Variants in PRKN observed in about 807,000 individuals in gnomAD.
PRKN encodes the protein E3 ubiquitin-protein ligase parkin.
PRKN carries 56 observed loss-of-function variants against 59.5 expected under a neutral mutation model. The ratio of observed to expected loss-of-function variants is 0.94; its 90% CI spans 0.76 to 1.18. The LOEUF is 1.18. Among genes scored for constraint, PRKN ranks in the 50% most tolerant of loss-of-function variants. The pLI, the probability that PRKN is intolerant of heterozygous loss-of-function variation, is 0.00. For missense variants in PRKN, 657 were observed against 596.4 expected (o/e 1.10, Z -1.06); for synonymous variants, 250 against 222.1 (o/e 1.13, Z -1.12).
At chr6:162,331,188 G>A (rs571771968) in intron 2 of PRKN, among the ~76,000 whole-genome samples, 38 of 151,020 alleles carry the variant, frequency 2.5e-4, no homozygotes, top group African/African-American at 5.9e-4. Context: ...AAAAATGCCA[G>A]GAGAATTCTA....
intron 9 of PRKN, among the ~76,000 whole-genome samples, chr6:161,485,720 G>A (rs377254570): frequency 9.8e-4 from 149 of 152,020 alleles, no homozygotes; most frequent in African/African-American, 3.5e-3. Flanking sequence ...AGTAGAGAGA[G>A]GTATCCTGAG....
intron 4 of PRKN, among the ~76,000 whole-genome samples, chr6:162,199,127 C>T (rs976910970): frequency 6.6e-6 from 1 of 152,062 alleles, no homozygotes; most frequent in Non-Finnish European, 1.5e-5. Context: ...CCGCCCCCTA[C>T]TGCCCACATC....
intron 1 of PRKN, among the ~76,000 whole-genome samples, chr6:162,644,430 C>G (rs1420626666): frequency 6.6e-6 from 1 of 152,132 alleles, no homozygotes; most frequent in Non-Finnish European, 1.5e-5. Context: ...GGCTGGTGAT[C>G]ACCATCACTG....
intron 9 of PRKN, among the ~76,000 whole-genome samples, chr6:161,436,061 T>G (rs926718260): frequency 9.9e-5 from 1 of 10,104 alleles, no homozygotes; most frequent in Admixed American, 1.4e-3. Context: ...GGGGGTGGGA[T>G]GGGAGGGCAG....
At chr6:162,505,175 C>T (rs542141876) in intron 1 of PRKN, among the ~76,000 whole-genome samples, 18 of 152,270 alleles carry the variant, frequency 1.2e-4, no homozygotes, top group Admixed American at 9.2e-4. Flanking sequence ...TTCACTGGAC[C>T]TAGCAACTTC....
At position 162,166,047 on chromosome 6, in the gene PRKN, C is replaced by CAAAAAAAAAA. The variant is rs10557222; in HGVS notation, c.534+35074_534+35083dup. Among the ~76,000 whole-genome samples, 303 of 80,172 alleles carry CAAAAAAAAAA rather than the reference C, an allele frequency of 3.8e-3. 6 individuals are homozygous for CAAAAAAAAAA. Among genetic ancestry groups the CAAAAAAAAAA allele is most frequent in the African/African-American group, 0.014 (280 of 19,588 alleles). 52.6% of individuals were successfully genotyped at this position (80,172 alleles called of 152,430 possible). A position where few individuals can be genotyped will look rare whatever the true frequency, so the allele number is the denominator to read the frequency against. On this transcript the variant is annotated intron_variant, in intron 4 of 11. Transcript: ENST00000366898. ...TGGGCAACAGAGCGAGACTCTATCT[C>CAAAAAAAAAA]AAAAAAAAAAAAAAAAAAAAAAAAG...
At chr6:162,655,582 A>G (rs1475359057) in intron 1 of PRKN, among the ~76,000 whole-genome samples, 1 of 152,212 alleles carries the variant, frequency 6.6e-6, no homozygotes, top group Non-Finnish European at 1.5e-5. Context: ...TACTGCCAGA[A>G]TTACTTTAAT....
intron 6 of PRKN, among the ~76,000 whole-genome samples, chr6:161,838,490 G>C (rs745523868): frequency 6.6e-6 from 1 of 152,174 alleles, no homozygotes; most frequent in Non-Finnish European, 1.5e-5. Flanking sequence ...TGTAAAATGG[G>C]TTAGCATCAT....
intron 1 of PRKN, among the ~76,000 whole-genome samples, chr6:162,483,699 A>C (rs1430826710): frequency 6.6e-6 from 1 of 152,226 alleles, no homozygotes; most frequent in Non-Finnish European, 1.5e-5. Flanking sequence ...AAGGCTACCA[A>C]GAAGGACAAG....
intron 8 of PRKN, among the ~76,000 whole-genome samples, chr6:161,559,407 T>A (rs919379513): frequency 2.0e-5 from 3 of 152,242 alleles, no homozygotes; most frequent in Non-Finnish European, 2.9e-5. Flanking sequence ...TGGAGCGCAC[T>A]GCAGAAAGCA....
chr6:162,320,379 A>AC (rs1782950257), intron 2 of PRKN, among the ~76,000 whole-genome samples: 2 of 146,952 alleles, frequency 1.4e-5, no homozygotes, highest in South Asian at 4.2e-4. Flanking sequence ...AAAAAAAAAA[A>AC]AAAAACCAAG....
chr6:161,754,888 A>G (rs6922016), intron 7 of PRKN, among the ~76,000 whole-genome samples: 128,371 of 152,110 alleles, frequency 0.84, 54,623 homozygotes, highest in East Asian at 0.98. Flanking sequence ...GACACTTAGG[A>G]AAGCACAAAC....
chr6:161,902,553 T>TCTA lies in PRKN; in HGVS notation c.734+70748_734+70749insTAG, dbSNP rs58799782. Among the ~76,000 whole-genome samples the TCTA allele has an allele frequency of 3.8e-4, 43 of 112,254 alleles. 3 individuals are homozygous for TCTA. The highest frequency in any genetic ancestry group is 1.3e-3 in the East Asian group (5 of 3,988). The allele number at this position is 112,254 out of a possible 152,430, so 73.6% of individuals were successfully genotyped here. On this transcript the variant is annotated intron_variant, in intron 6 of 11. Coordinates refer to ENST00000366898, the MANE Select transcript of PRKN (RefSeq NM_004562.3). ...ATCTATCTATCTATCTATCTATTTA[T>TCTA]TTATTTATTTATTTTTTTTTTTTTG...
chr6:162,426,415 A>G (rs1419626832), intron 2 of PRKN, among the ~76,000 whole-genome samples: 3 of 152,252 alleles, frequency 2.0e-5, no homozygotes, highest in Non-Finnish European at 4.4e-5. Context: ...ATGTACACAA[A>G]GATAAAGTCC....
intron 7 of PRKN, among the ~76,000 whole-genome samples, chr6:161,621,720 T>A (rs555845757): frequency 6.6e-6 from 1 of 152,182 alleles, no homozygotes; most frequent in East Asian, 1.9e-4. Context: ...AAATTAACCA[T>A]TACAGCCGCA....
intron 9 of PRKN, among the ~76,000 whole-genome samples, chr6:161,431,467 G>T (rs4709524): frequency 0.77 from 116,330 of 151,902 alleles, 44,698 homozygotes; most frequent in East Asian, 0.93. Flanking sequence ...ATCATAAAAT[G>T]TTTATTCCCA....
At position 161,529,272 on chromosome 6, in the gene PRKN, G is replaced by T. The variant is rs1279835801; in HGVS notation, c.1083+19582C>A. ...GGGAAGGTGAGAAGACAATGATGGGGATGATGTTGACACCTGGTTGTGGCT... is the reference window on the plus strand; with the variant it reads ...GGGAAGGTGAGAAGACAATGATGGGTATGATGTTGACACCTGGTTGTGGCT... On this transcript the variant is annotated intron_variant, in intron 9 of 11. Transcript: ENST00000366898. This position sits in a 1 kb window ranked among gnomAD's most constrained non-coding sequence, Gnocchi z 4.4. 6.6e-6 allele frequency among the ~76,000 whole-genome samples: 1 copy of T among 152,176 alleles called. No individual in the cohort carries two copies. The highest frequency in any genetic ancestry group is 2.4e-5 in the African/African-American group (1 of 41,428).
At chr6:162,454,910 T>C (rs1790796333) in intron 1 of PRKN, among the ~76,000 whole-genome samples, 2 of 152,230 alleles carry the variant, frequency 1.3e-5, no homozygotes, top group South Asian at 4.1e-4. Flanking sequence ...AGAGCTTTAT[T>C]TCTTTCAGAG....
chr6:162,052,906 G>A (rs969701379), intron 5 of PRKN, among the ~76,000 whole-genome samples: 3 of 151,940 alleles, frequency 2.0e-5, no homozygotes, highest in Non-Finnish European at 2.9e-5. Flanking sequence ...TATATTATTA[G>A]ATGCAATTAT....
Sources: gnomAD v4.1 joint callset for allele counts (sites outside exome capture counted in the v4.1 genomes callset) on GRCh38, gnomAD v4.1.1 for gene constraint, Gnocchi (gnomAD v3.1) non-coding constraint, MANE v1.5 for transcripts, NCBI Gene and HGNC (gene_info 2026-07-23, HGNC 2026-07-21) for gene names.